The following CELF4 variants were observed in gnomAD, a reference collection of about 807,000 sequenced individuals.
The protein encoded by CELF4 is CUGBP Elav-like family member 4, also known as CUG-BP- and ETR-3-like factor 4.
Under a neutral mutation model 59.9 loss-of-function variants are expected in CELF4, and 18 were observed. The ratio of observed to expected loss-of-function variants is 0.30; its 90% CI spans 0.21 to 0.45. The LOEUF is 0.45. Among genes scored for constraint, CELF4 ranks in the 20% least tolerant of loss-of-function variants. CELF4 has a pLI of 1.00. For synonymous variants in CELF4, 261 were observed against 267.1 expected (o/e 0.98, Z 0.22); for missense variants, 456 against 689.0 (o/e 0.66, Z 3.79).
intron 2 of CELF4, among the ~76,000 whole-genome samples, chr18:37,483,146 C>A (rs2099873108): frequency 6.6e-6 from 1 of 152,166 alleles, no homozygotes; most frequent in African/African-American, 2.4e-5. Flanking sequence ...TTGGTCCCGT[C>A]CCTGCATTTG....
At chr18:37,458,551 A>G (rs1470471705) in intron 2 of CELF4, among the ~76,000 whole-genome samples, 1 of 152,210 alleles carries the variant, frequency 6.6e-6, no homozygotes, top group African/African-American at 2.4e-5. Flanking sequence ...ACCTTGTTAC[A>G]GTTTGCAGTA....
rs185603005 is a variant in CELF4, at chr18:37,461,458, T to C, written c.369+24067A>G. Among the ~76,000 whole-genome samples, 520 of 152,260 alleles carry C rather than the reference T, an allele frequency of 3.4e-3. 3 individuals carry two copies. The highest frequency in any genetic ancestry group is 0.012 in the African/African-American group (489 of 41,538). ...AAGCCCCTTATAAAACCATCAGATC[T>C]TGTGAGAACTCATTCACTATCACAA... On this transcript the variant is annotated intron_variant, in intron 2 of 12. Transcript: ENST00000420428.
At chr18:37,298,359 A>C (rs1038693946) in intron 3 of CELF4, among the ~76,000 whole-genome samples, 1 of 152,248 alleles carries the variant, frequency 6.6e-6, no homozygotes, top group Non-Finnish European at 1.5e-5. Context: ...CACAGCAGTC[A>C]GAATGAGACA....
chr18:37,280,208 A>C (rs1240293360), intron 3 of CELF4, among the ~76,000 whole-genome samples: 1 of 152,218 alleles, frequency 6.6e-6, no homozygotes, highest in East Asian at 1.9e-4. Flanking sequence ...GGACAGGAGA[A>C]GCTTCCAGTT....
chr18:37,333,808 CCA>C (rs2097660195), intron 2 of CELF4, among the ~76,000 whole-genome samples: 1 of 143,196 alleles, frequency 7.0e-6, no homozygotes, highest in African/African-American at 2.6e-5. Context: ...ATCCATCCAT[CCA>C]TGCATCCATC....
intron 2 of CELF4, among the ~76,000 whole-genome samples, chr18:37,483,296 A>C (rs1056560651): frequency 6.6e-6 from 1 of 152,210 alleles, no homozygotes; most frequent in African/African-American, 2.4e-5. Flanking sequence ...GTCTGCATGC[A>C]GGTTTGTGTG....
chr18:37,557,357 G>C (rs531118402), intron 1 of CELF4, among the ~76,000 whole-genome samples: 31 of 152,328 alleles, frequency 2.0e-4, no homozygotes, highest in African/African-American at 7.5e-4. Flanking sequence ...CTGCTGAACT[G>C]CAGCACCCTG....
intron 1 of CELF4, among the ~76,000 whole-genome samples, chr18:37,538,798 T>C (rs2099975599): frequency 6.6e-6 from 1 of 152,184 alleles, no homozygotes; most frequent in Non-Finnish European, 1.5e-5. Flanking sequence ...TCTCTCTCCC[T>C]CACTCAGCAG....
At chr18:37,298,997 CCTT>C (rs895849192) in intron 3 of CELF4, among the ~76,000 whole-genome samples, 95 of 152,338 alleles carry the variant, frequency 6.2e-4, no homozygotes, top group African/African-American at 2.2e-3. Context: ...TGCTTGCTAA[CCTT>C]CTGTGGAACA....
At chr18:37,306,494 A>T (rs1657596734) in intron 3 of CELF4, among the ~76,000 whole-genome samples, 1 of 152,182 alleles carries the variant, frequency 6.6e-6, no homozygotes, top group Non-Finnish European at 1.5e-5. Context: ...ACAAATTCAG[A>T]GTGCTTTGAC....
chr18:37,476,912 G>C (rs1475250521), intron 2 of CELF4, among the ~76,000 whole-genome samples: 2 of 152,232 alleles, frequency 1.3e-5, no homozygotes, highest in African/African-American at 4.8e-5. Flanking sequence ...CTGGGCCAAA[G>C]CACCTTCCAC....
intron 1 of CELF4, among the ~76,000 whole-genome samples, chr18:37,525,846 G>A (rs569777710): frequency 2.0e-5 from 3 of 152,288 alleles, no homozygotes; most frequent in African/African-American, 7.2e-5. Flanking sequence ...CTTGTTCACA[G>A]TCTCATAGAG....
intron 10 of CELF4, among the ~76,000 whole-genome samples, chr18:37,259,674 G>A (rs2154299878): frequency 6.6e-6 from 1 of 152,242 alleles, no homozygotes; most frequent in Non-Finnish European, 1.5e-5. Context: ...GGGGACCAGG[G>A]CATCCCCTGG....
chr18:37,487,599 C>T (rs1445942770), intron 1 of CELF4, among the ~76,000 whole-genome samples: 1 of 152,190 alleles, frequency 6.6e-6, no homozygotes, highest in East Asian at 1.9e-4. Context: ...GTCCCTCGTG[C>T]TGCCGCCTGC....
At chr18:37,425,712 G>A (rs192637590) in intron 2 of CELF4, among the ~76,000 whole-genome samples, 2 of 152,356 alleles carry the variant, frequency 1.3e-5, no homozygotes, top group East Asian at 3.9e-4. Context: ...AGGGCCAGGA[G>A]CCAGCTCCCC....
At chr18:37,522,558 A>G (rs953814887) in intron 1 of CELF4, among the ~76,000 whole-genome samples, 3 of 152,134 alleles carry the variant, frequency 2.0e-5, no homozygotes, top group Admixed American at 2.0e-4. Context: ...AGATGGGGGC[A>G]ATGAACTGAG....
intron 2 of CELF4, among the ~76,000 whole-genome samples, chr18:37,373,094 A>ACAC (rs1351154189): frequency 6.6e-6 from 1 of 152,226 alleles, no homozygotes; most frequent in African/African-American, 2.4e-5. Flanking sequence ...TACAGATGAG[A>ACAC]CACCAAGGCA....
At chr18:37,525,040 T>A (rs2099962196) in intron 1 of CELF4, among the ~76,000 whole-genome samples, 1 of 152,186 alleles carries the variant, frequency 6.6e-6, no homozygotes, top group Non-Finnish European at 1.5e-5. Context: ...ACCACCTCTC[T>A]TTCCTAGGGG....
intron 1 of CELF4, among the ~76,000 whole-genome samples, chr18:37,496,681 T>G (rs1290563651): frequency 6.6e-6 from 1 of 152,152 alleles, no homozygotes; most frequent in Non-Finnish European, 1.5e-5. Flanking sequence ...AGAAAAACAA[T>G]CTCACACTGT....
Sources: gnomAD v4.1 joint callset for allele counts (sites outside exome capture counted in the v4.1 genomes callset) on GRCh38, gnomAD v4.1.1 for gene constraint, MANE v1.5 for transcripts, NCBI Gene and HGNC (gene_info 2026-07-23, HGNC 2026-07-21) for gene names.